Variants in COBLL1 observed in about 807,000 individuals in gnomAD.
COBLL1 encodes cordon-bleu protein-like 1.
In COBLL1, 50 loss-of-function variants were observed where a neutral mutation model predicts 94.8. The observed-to-expected ratio is 0.53, with a 90% CI of 0.42 to 0.67. COBLL1 has a LOEUF of 0.67. Among genes scored for constraint, COBLL1 ranks in the 30% least tolerant of loss-of-function variants. The pLI, the probability that COBLL1 is intolerant of heterozygous loss-of-function variation, is 0.00. For missense variants in COBLL1, 1,362 were observed against 1,348.7 expected (o/e 1.01, Z -0.15); for synonymous variants, 448 against 473.8 (o/e 0.95, Z 0.71).
At chr2:164,668,733 G>A (rs1036354974) in intron 1 of COBLL1, among the ~76,000 whole-genome samples, 2 of 152,062 alleles carry the variant, frequency 1.3e-5, no homozygotes, top group Admixed American at 6.6e-5. Flanking sequence ...TTATTTTCTC[G>A]TTCATGATTA....
intron 2 of COBLL1, among the ~76,000 whole-genome samples, chr2:164,815,015 T>C (rs1041407210): frequency 6.6e-6 from 1 of 152,188 alleles, no homozygotes; most frequent in Admixed American, 6.6e-5. Flanking sequence ...ATGAGCTAAT[T>C]TGGAGAAGGG....
At chr2:164,770,343 A>G (rs1444449884) in intron 2 of COBLL1, among the ~76,000 whole-genome samples, 1 of 152,104 alleles carries the variant, frequency 6.6e-6, no homozygotes, top group East Asian at 1.9e-4. Flanking sequence ...ATGTGAACCT[A>G]TCTAATAGAT....
intron 2 of COBLL1, among the ~76,000 whole-genome samples, chr2:164,780,086 G>C (rs995530640): frequency 5.3e-5 from 8 of 152,176 alleles, no homozygotes; most frequent in African/African-American, 1.9e-4. Flanking sequence ...ATGTGAGGCA[G>C]TCTAGCAACA....
chr2:164,752,872 T>C (rs1687197580), intron 2 of COBLL1, among the ~76,000 whole-genome samples: 1 of 152,174 alleles, frequency 6.6e-6, no homozygotes, highest in Admixed American at 6.6e-5. Flanking sequence ...CATTTTCTCA[T>C]TTACAAAATA....
intron 2 of COBLL1, among the ~76,000 whole-genome samples, chr2:164,762,859 G>C (rs1687751047): frequency 6.6e-6 from 1 of 152,016 alleles, no homozygotes; most frequent in Admixed American, 6.6e-5. Context: ...ACCACGCCCG[G>C]CTAATTTTTT....
chr2:164,737,826 T>G (rs1686391434), intron 3 of COBLL1, among the ~76,000 whole-genome samples: 1 of 152,118 alleles, frequency 6.6e-6, no homozygotes, highest in Non-Finnish European at 1.5e-5. Flanking sequence ...GCTCCCGAGT[T>G]CCTCAGCGGA....
chr2:164,700,909 C>T (rs1464886479), intron 9 of COBLL1, among the ~76,000 whole-genome samples, 153 bp from the exon 10 acceptor site: 2 of 152,164 alleles, frequency 1.3e-5, no homozygotes, highest in African/African-American at 2.4e-5. Flanking sequence ...TCCTGGTGAG[C>T]AGTCACGTTA....
At chr2:164,781,022 C>T (rs1469024590) in intron 2 of COBLL1, among the ~76,000 whole-genome samples, 1 of 152,106 alleles carries the variant, frequency 6.6e-6, no homozygotes, top group East Asian at 1.9e-4. Context: ...AACATCCCTC[C>T]AGTATTTCAA....
chr2:164,801,418 G>A (rs990130937), intron 2 of COBLL1, among the ~76,000 whole-genome samples: 12 of 120,644 alleles, frequency 9.9e-5, no homozygotes, highest in African/African-American at 3.3e-4. Flanking sequence ...CAGCCTGGGC[G>A]ACAGAGCGAG....
intron 2 of COBLL1, among the ~76,000 whole-genome samples, chr2:164,793,933 A>T (rs1683312692): frequency 6.6e-6 from 1 of 152,234 alleles, no homozygotes; most frequent in South Asian, 2.1e-4. Flanking sequence ...ATGTGTTTTA[A>T]AATTGTAAAA....
chr2:164,803,012 A>G (rs1285068083), intron 2 of COBLL1, among the ~76,000 whole-genome samples: 1 of 152,226 alleles, frequency 6.6e-6, no homozygotes, highest in African/African-American at 2.4e-5. Context: ...AGATTGCAAT[A>G]TATAGATTTT....
At position 164,834,771 on chromosome 2, in the gene COBLL1, A is replaced by T. The variant is rs546991673; in HGVS notation, c.41+6385T>A. On this transcript the variant is annotated intron_variant, in intron 2 of 13. Transcript: ENST00000652658. ...TGTTTGCCAGTAAAACTCTATAAAT[A>T]CAGGTGGAGGATAACAGATTAACAT... Among the ~76,000 whole-genome samples, 35 of 152,360 alleles carry T rather than the reference A, an allele frequency of 2.3e-4. 1 individual carries two copies. In the South Asian group the frequency reaches 5.0e-3, roughly 22 times the overall value.
chr2:164,727,058 T>G (rs777533176), intron 5 of COBLL1: 18 of 968,024 alleles, frequency 1.9e-5, no homozygotes, highest in Non-Finnish European at 2.8e-5. Context: ...AATTTCAATA[T>G]ATCCAATTTC....
chr2:164,665,590 C>T (rs1691146947), intron 2 of COBLL1, among the ~76,000 whole-genome samples: 1 of 152,028 alleles, frequency 6.6e-6, no homozygotes, highest in South Asian at 2.1e-4. Context: ...AAAAAAGTTA[C>T]ATAGTTGATA....
chr2:164,823,041 C>CA (rs886200428), intron 2 of COBLL1, among the ~76,000 whole-genome samples: 10 of 150,080 alleles, frequency 6.7e-5, no homozygotes, highest in South Asian at 2.1e-4. Context: ...CAAGGAACAA[C>CA]AAAAAAAAAG....
At chr2:164,744,072 T>A (rs1297848213) in intron 2 of COBLL1, among the ~76,000 whole-genome samples, 197 bp from the exon 3 acceptor site, 1 of 152,166 alleles carries the variant, frequency 6.6e-6, no homozygotes, top group African/African-American at 2.4e-5. Context: ...TTGTTTTGTT[T>A]TGAGTACTAT....
At chr2:164,797,432 C>T (rs1430551156) in intron 2 of COBLL1, among the ~76,000 whole-genome samples, 5 of 152,012 alleles carry the variant, frequency 3.3e-5, no homozygotes, top group Admixed American at 6.6e-5. Context: ...GTTAAATTCA[C>T]TAAACAAGCC....
intron 7 of COBLL1, among the ~76,000 whole-genome samples, chr2:164,717,885 G>A (rs7587798): frequency 0.014 from 2,134 of 152,182 alleles, 42 homozygotes; most frequent in African/African-American, 0.049. Flanking sequence ...TTTAATTCAA[G>A]GATCAATTAT....
intron 2 of COBLL1, among the ~76,000 whole-genome samples, chr2:164,763,158 A>G (rs1272401226): frequency 6.6e-6 from 1 of 152,216 alleles, no homozygotes; most frequent in African/African-American, 2.4e-5. Context: ...CTCGCCATTT[A>G]TAGGAAAAGC....
Sources: gnomAD v4.1 joint callset for allele counts (sites outside exome capture counted in the v4.1 genomes callset) on GRCh38, gnomAD v4.1.1 for gene constraint, MANE v1.5 for transcripts, NCBI Gene and HGNC (gene_info 2026-07-23, HGNC 2026-07-21) for gene names.